The following TENM2 variants were observed in gnomAD, a reference collection of about 807,000 sequenced individuals.
TENM2 encodes the protein teneurin transmembrane protein 2, also known as teneurin-2.
Under a neutral mutation model 245.2 loss-of-function variants are expected in TENM2, and 52 were observed. The observed-to-expected ratio is 0.21, with a 90% CI of 0.17 to 0.27. The LOEUF is 0.27. TENM2 is among the 10% of genes least tolerant of loss of function. The pLI, the probability that TENM2 is intolerant of heterozygous loss-of-function variation, is 1.00. For missense variants in TENM2, 3,046 were observed against 3,666.8 expected (o/e 0.83, Z 4.37); for synonymous variants, 1,363 against 1,438.9 (o/e 0.95, Z 1.19).
At chr5:167,215,303 T>A in the TENM2 span, among the ~76,000 whole-genome samples, 1 of 152,166 alleles carries the variant, frequency 6.6e-6, no homozygotes, top group African/African-American at 2.4e-5. Flanking sequence ...TGGGGCAGGA[T>A]GTGAGTTTTG....
At chr5:168,255,837 ACTCTGT>A (rs1767603315) in intron 27 of TENM2, among the ~76,000 whole-genome samples, 1 of 149,912 alleles carries the variant, frequency 6.7e-6, no homozygotes, top group Non-Finnish European at 1.5e-5. Flanking sequence ...ACGAAGTCTC[ACTCTGT>A]CTCCCAGGCT....
the TENM2 span, among the ~76,000 whole-genome samples, chr5:167,167,652 C>T: frequency 2.0e-5 from 3 of 152,146 alleles, no homozygotes; most frequent in African/African-American, 4.8e-5. Flanking sequence ...TCACATAGCA[C>T]GTTATATGTA....
At chr5:168,181,439 A>G (rs1242827650) in intron 13 of TENM2, among the ~76,000 whole-genome samples, 1 of 152,088 alleles carries the variant, frequency 6.6e-6, no homozygotes, top group East Asian at 1.9e-4. Context: ...CATCCATCCT[A>G]AAGAGTAGAA....
At chr5:167,536,002 C>T (rs73801270) in intron 2 of TENM2, among the ~76,000 whole-genome samples, 99 of 152,182 alleles carry the variant, frequency 6.5e-4, no homozygotes, top group African/African-American at 2.3e-3. Context: ...TGGTTGCATC[C>T]AGTAAAAAGG....
At chr5:167,156,746 G>A in the TENM2 span, among the ~76,000 whole-genome samples, 4 of 152,134 alleles carry the variant, frequency 2.6e-5, no homozygotes, top group Non-Finnish European at 5.9e-5. Flanking sequence ...ACTCTCCTGG[G>A]TACACACTTG....
chr5:167,477,437 T>TGG (rs58501240), intron 2 of TENM2, among the ~76,000 whole-genome samples: 8 of 151,718 alleles, frequency 5.3e-5, no homozygotes, highest in African/African-American at 1.9e-4. Flanking sequence ...TGTTGGCGGG[T>TGG]GGGGGGGGAG....
the TENM2 span, among the ~76,000 whole-genome samples, chr5:167,206,733 T>C: frequency 6.6e-6 from 1 of 152,312 alleles, no homozygotes; most frequent in South Asian, 2.1e-4. Context: ...TAAAACCAAA[T>C]TGTATTTATT....
intron 2 of TENM2, among the ~76,000 whole-genome samples, chr5:167,465,037 G>T (rs1048630984): frequency 6.6e-6 from 1 of 152,142 alleles, no homozygotes; most frequent in African/African-American, 2.4e-5. Context: ...TTAAAGCACC[G>T]TTCTCAAAAA....
chr5:168,250,585 C>T (rs958652855), intron 27 of TENM2, among the ~76,000 whole-genome samples: 8 of 152,184 alleles, frequency 5.3e-5, no homozygotes, highest in Non-Finnish European at 1.2e-4. Flanking sequence ...AAACAAACAT[C>T]CTTAAAGATC....
At chr5:168,195,837 A>G (rs910311989) in intron 15 of TENM2, among the ~76,000 whole-genome samples, 3 of 151,890 alleles carry the variant, frequency 2.0e-5, no homozygotes, top group Admixed American at 1.3e-4. Context: ...TTTAGCAGTC[A>G]CCCTGCTGTG....
the TENM2 span, among the ~76,000 whole-genome samples, chr5:167,262,400 G>T: frequency 4.0e-4 from 46 of 116,448 alleles, no homozygotes; most frequent in African/African-American, 1.4e-3. Flanking sequence ...CTTTTTTTTT[G>T]GGGGGGCGGT....
chr5:167,611,047 A>G (rs1425143206), intron 2 of TENM2, among the ~76,000 whole-genome samples: 1 of 152,226 alleles, frequency 6.6e-6, no homozygotes, highest in Admixed American at 6.5e-5. Context: ...AGAAATGGTC[A>G]TCTACTTTGG....
At chr5:167,055,694 A>T in the TENM2 span, among the ~76,000 whole-genome samples, 8 of 152,012 alleles carry the variant, frequency 5.3e-5, no homozygotes, top group Admixed American at 1.3e-4. Context: ...TGTGTTTTTA[A>T]TTCCAAATTC....
intron 3 of TENM2, among the ~76,000 whole-genome samples, chr5:167,915,378 C>T (rs1316774055): frequency 6.6e-6 from 1 of 152,124 alleles, no homozygotes; most frequent in East Asian, 1.9e-4. Flanking sequence ...AATCTCATCC[C>T]AACTGAGCTT....
intron 7 of TENM2, among the ~76,000 whole-genome samples, chr5:168,074,437 C>G (rs1277900066): frequency 6.6e-6 from 1 of 152,184 alleles, no homozygotes; most frequent in East Asian, 1.9e-4. Flanking sequence ...CTCATCTTTT[C>G]AGCCTCTGAA....
chr5:167,193,507 G>C, the TENM2 span, among the ~76,000 whole-genome samples: 4 of 151,916 alleles, frequency 2.6e-5, no homozygotes, highest in Non-Finnish European at 5.9e-5. Flanking sequence ...AGGGCAGGGT[G>C]GGGTGGGGAC....
chr5:168,025,251 A>C (rs1332880216), intron 5 of TENM2, among the ~76,000 whole-genome samples: 1 of 152,248 alleles, frequency 6.6e-6, no homozygotes, highest in Non-Finnish European at 1.5e-5. Context: ...AATTTTGAGG[A>C]AGCCAAACAA....
At chr5:168,190,637 C>A in intron 14 of TENM2, 90 bp downstream of exon 16, 2 of 1,235,346 alleles carry the variant, frequency 1.6e-6, no homozygotes, top group Non-Finnish European at 2.3e-6. Flanking sequence ...CCCGGGGACC[C>A]AATTGGCCTG....
the TENM2 span, among the ~76,000 whole-genome samples, chr5:167,084,665 C>T: frequency 6.6e-6 from 1 of 151,978 alleles, no homozygotes; most frequent in Non-Finnish European, 1.5e-5. Flanking sequence ...CTTCTATCTC[C>T]TGCATAAGCA....
Sources: gnomAD v4.1 joint callset for allele counts (sites outside exome capture counted in the v4.1 genomes callset) on GRCh38, gnomAD v4.1.1 for gene constraint, MANE v1.5 for transcripts, NCBI Gene and HGNC (gene_info 2026-07-23, HGNC 2026-07-21) for gene names.